The following DSCAM variants were observed in gnomAD, a reference collection of about 807,000 sequenced individuals.
The protein encoded by DSCAM is cell adhesion molecule DSCAM.
In DSCAM, 47 loss-of-function variants were observed where a neutral mutation model predicts 217.7. The ratio of observed to expected loss-of-function variants is 0.22; its 90% CI spans 0.17 to 0.28. The LOEUF (loss-of-function observed/expected upper bound fraction) is 0.28. DSCAM is among the 10% of genes least tolerant of loss of function. DSCAM has a pLI of 1.00. For synonymous variants in DSCAM, 1,056 were observed against 1,015.3 expected (o/e 1.04, Z -0.76); for missense variants, 2,080 against 2,618.3 (o/e 0.79, Z 4.49).
intron 3 of DSCAM, among the ~76,000 whole-genome samples, chr21:40,481,652 C>A (rs1341994267): frequency 2.0e-5 from 3 of 151,020 alleles, no homozygotes; most frequent in Non-Finnish European, 4.4e-5. Flanking sequence ...AATAATCCAA[C>A]AACACTACGA....
At chr21:40,780,424 T>C in intron 1 of DSCAM, among the ~76,000 whole-genome samples, 1 of 48,432 alleles carries the variant, frequency 2.1e-5, no homozygotes, top group Non-Finnish European at 3.5e-5. Flanking sequence ...TGTGTGTGTG[T>C]ATATATATAT....
At chr21:40,840,553 G>A (rs1027570716) in intron 1 of DSCAM, among the ~76,000 whole-genome samples, 1 of 152,152 alleles carries the variant, frequency 6.6e-6, no homozygotes, top group Admixed American at 6.5e-5. Context: ...TTGACCCACT[G>A]CACGGCAGGA....
chr21:40,225,561 A>T (rs1045693170), intron 11 of DSCAM, among the ~76,000 whole-genome samples: 2 of 152,012 alleles, frequency 1.3e-5, no homozygotes, highest in Non-Finnish European at 2.9e-5. Context: ...TTGTGTGTGG[A>T]CTCAACAGTG....
In DSCAM at chr21:40,658,422, T is replaced by G. The variant is rs149332508; in HGVS notation, c.508+34388A>C. Among the ~76,000 whole-genome samples the G allele has an allele frequency of 4.4e-3, 667 of 152,314 alleles. 5 individuals carry two copies. The highest frequency in any genetic ancestry group is 0.015 in the African/African-American group (623 of 41,568). ...GCTTAAAAATTAGCTAATAAGTGGT[T>G]TGCACTTCATAAGAGTAAACACCAT... On this transcript the variant is annotated intron_variant, in intron 3 of 32. Transcript: ENST00000400454.
intron 3 of DSCAM, among the ~76,000 whole-genome samples, chr21:40,434,420 T>A (rs985339201): frequency 4.6e-5 from 7 of 152,184 alleles, no homozygotes; most frequent in Admixed American, 1.3e-4. Flanking sequence ...ACAGATTATT[T>A]GAATTTAGGC....
At chr21:40,021,088 G>A (rs1011756914) in intron 32 of DSCAM, among the ~76,000 whole-genome samples, 1 of 151,108 alleles carries the variant, frequency 6.6e-6, no homozygotes, top group Non-Finnish European at 1.5e-5. Flanking sequence ...GGATGAGAGA[G>A]AGGGGAAGAG....
At chr21:40,214,606 C>G (rs1327805575) in intron 11 of DSCAM, among the ~76,000 whole-genome samples, 1 of 151,670 alleles carries the variant, frequency 6.6e-6, no homozygotes, top group East Asian at 1.9e-4. Flanking sequence ...TGGGAAACAC[C>G]ACTGAACATG....
chr21:40,304,990 G>T (rs1013486517), intron 9 of DSCAM, among the ~76,000 whole-genome samples: 22 of 152,124 alleles, frequency 1.4e-4, no homozygotes, highest in African/African-American at 5.3e-4. Flanking sequence ...ATACAGACAC[G>T]AAGTGGGCAC....
chr21:40,029,047 G>C (rs2088463541), intron 32 of DSCAM, among the ~76,000 whole-genome samples: 1 of 152,122 alleles, frequency 6.6e-6, no homozygotes, highest in South Asian at 2.1e-4. Flanking sequence ...TTCCATAAGG[G>C]ATGACTATTC....
chr21:40,300,313 C>G (rs2074000818), intron 9 of DSCAM, among the ~76,000 whole-genome samples: 1 of 152,144 alleles, frequency 6.6e-6, no homozygotes. Context: ...ATGGAATTTC[C>G]TTTCATATCC....
At chr21:40,638,594 C>T (rs996460451) in intron 3 of DSCAM, among the ~76,000 whole-genome samples, 3 of 152,162 alleles carry the variant, frequency 2.0e-5, no homozygotes, top group Non-Finnish European at 4.4e-5. Flanking sequence ...GTTTCCTCTG[C>T]TCTTGCATTC....
rs1480845582 is a variant in DSCAM, at chr21:40,012,674, C to T, written c.*360G>A. The T allele has an allele frequency of 6.3e-6, 1 of 158,588 alleles. No individual in the cohort carries two copies. The allele number at this position is 158,588 out of a possible 1,614,324, so 9.8% of individuals were successfully genotyped here. ...TTAAATTCACAAATAGGCTGATTTC[C>T]CACCCACCCTGTTTTCTTTCTTGCC... is the stretch of plus-strand genomic sequence containing the variant. On this transcript the variant is annotated 3_prime_UTR_variant, in exon 33 of 33. Coordinates refer to ENST00000400454, the MANE Select transcript of DSCAM (RefSeq NM_001389.5).
At chr21:40,700,973 G>T (rs932774727) in intron 2 of DSCAM, among the ~76,000 whole-genome samples, 1 of 152,080 alleles carries the variant, frequency 6.6e-6, no homozygotes, top group Admixed American at 6.6e-5. Context: ...CTGACTTCAA[G>T]TGATTCTCCT....
intron 3 of DSCAM, among the ~76,000 whole-genome samples, chr21:40,527,231 A>G (rs2076407830): frequency 6.6e-6 from 1 of 152,200 alleles, no homozygotes; most frequent in Admixed American, 6.5e-5. Flanking sequence ...TGCCAAAAAT[A>G]GCCATAATCC....
chr21:40,281,898 T>C (rs1478610692), intron 10 of DSCAM, among the ~76,000 whole-genome samples: 1 of 152,224 alleles, frequency 6.6e-6, no homozygotes, highest in Non-Finnish European at 1.5e-5. Context: ...TTCTATGTAA[T>C]TATTTTACAA....
intron 3 of DSCAM, among the ~76,000 whole-genome samples, chr21:40,376,514 AT>A (rs1275563918): frequency 8.7e-6 from 1 of 115,206 alleles, no homozygotes; most frequent in Non-Finnish European, 1.7e-5. Context: ...TTATATCGAT[AT>A]CTATATATCT....
At chr21:40,263,977 A>T (rs766106796) in intron 11 of DSCAM, among the ~76,000 whole-genome samples, 2 of 152,164 alleles carry the variant, frequency 1.3e-5, no homozygotes, top group Non-Finnish European at 2.9e-5. Flanking sequence ...TCCTGGAAAC[A>T]TACAACCCCA....
chr21:40,282,547 C>T (rs1006069339), intron 10 of DSCAM, among the ~76,000 whole-genome samples: 16 of 136,038 alleles, frequency 1.2e-4, no homozygotes, highest in South Asian at 2.3e-4. Context: ...GCCAAGACAG[C>T]GCCACTGCAG....
intron 1 of DSCAM, among the ~76,000 whole-genome samples, chr21:40,845,121 G>A (rs1288099431): frequency 2.0e-5 from 3 of 152,166 alleles, no homozygotes; most frequent in African/African-American, 4.8e-5. Context: ...ATTCCCAGGA[G>A]GACACAGGAC....
Sources: gnomAD v4.1 joint callset for allele counts (sites outside exome capture counted in the v4.1 genomes callset) on GRCh38, gnomAD v4.1.1 for gene constraint, MANE v1.5 for transcripts, NCBI Gene and HGNC (gene_info 2026-07-23, HGNC 2026-07-21) for gene names.